The following SMC6 variants were observed in gnomAD, a reference collection of about 807,000 sequenced individuals.
The protein encoded by SMC6 is structural maintenance of chromosomes protein 6.
A neutral mutation model predicts 142.2 loss-of-function variants in SMC6; 79 were observed. The observed-to-expected ratio is 0.56, with a 90% CI of 0.46 to 0.67. The LOEUF (loss-of-function observed/expected upper bound fraction) is 0.67, where lower values mean the gene tolerates loss of function less well. Ranked by LOEUF, SMC6 falls within the 30% of genes least tolerant of loss-of-function variation. The pLI is 0.00. For synonymous variants in SMC6, 411 were observed against 412.4 expected, an observed-to-expected ratio of 1.00 and a Z score of 0.04; for missense variants, 1,072 against 1,284.0, an observed-to-expected ratio of 0.83 and a Z score of 2.52.
Position 17,752,973 on chromosome 2 carries a change from A to G in SMC6, c.-6+5T>C, listed in dbSNP as rs1671135817. 2.0e-6 allele frequency: 2 copies of G among 977,080 alleles called. No homozygotes were observed. The highest frequency in any genetic ancestry group is 2.4e-6 in the Non-Finnish European group (2 of 822,314). 60.5% of individuals were successfully genotyped at this position (977,080 alleles called of 1,614,324 possible). On this transcript the variant is annotated splice_donor_5th_base_variant and intron_variant, in intron 2 of 27. Transcript: ENST00000448223. Reference sequence around the variant, plus strand: ...TGATTGCTCTAAGAATTTTCACAGTATTACCTCAAACCCTATTGGTTCTAC... The same window carrying G: ...TGATTGCTCTAAGAATTTTCACAGTGTTACCTCAAACCCTATTGGTTCTAC...
chr2:17,747,312 C>G (rs1670802304), intron 2 of SMC6, among the ~76,000 whole-genome samples: 1 of 152,176 alleles, frequency 6.6e-6, no homozygotes, highest in Non-Finnish European at 1.5e-5. Context: ...CCACCCTAGC[C>G]TAGCAGTTGC....
chr2:17,689,059 A>C (rs1667583836), intron 23 of SMC6, among the ~76,000 whole-genome samples: 1 of 152,208 alleles, frequency 6.6e-6, no homozygotes, highest in African/African-American at 2.4e-5. Flanking sequence ...TATTAGTTGC[A>C]AGGGAAAAAA....
At chr2:17,707,897 C>T (rs1572300952) in intron 17 of SMC6, among the ~76,000 whole-genome samples, 1 of 151,116 alleles carries the variant, frequency 6.6e-6, no homozygotes, top group Non-Finnish European at 1.5e-5. Flanking sequence ...GGGGACAGAC[C>T]TTTACAACAA....
At chr2:17,670,645 G>T in intron 25 of SMC6, 70 bp from the exon 26 acceptor site, 1 of 1,361,696 alleles carries the variant, frequency 7.3e-7, no homozygotes, top group South Asian at 1.5e-5. Context: ...TTCTTTACAA[G>T]ACAGATAAAT....
chr2:17,673,592 A>T (rs764453144), intron 25 of SMC6, among the ~76,000 whole-genome samples: 1 of 150,216 alleles, frequency 6.7e-6, no homozygotes, highest in African/African-American at 2.5e-5. Flanking sequence ...TTTTTGAGAC[A>T]GAGTTTCGCT....
chr2:17,734,694 T>G (rs1435019919), intron 5 of SMC6, among the ~76,000 whole-genome samples: 1 of 152,080 alleles, frequency 6.6e-6, no homozygotes, highest in Non-Finnish European at 1.5e-5. Flanking sequence ...CAGTGAGAAC[T>G]TCAGAAGCAC....
At chr2:17,717,360 G>A (rs1400139972) in intron 12 of SMC6, among the ~76,000 whole-genome samples, 184 bp from the exon 13 acceptor site, 2 of 152,064 alleles carry the variant, frequency 1.3e-5, no homozygotes, top group East Asian at 1.9e-4. Flanking sequence ...TTTCAACTCA[G>A]GTACAAAATC....
intron 18 of SMC6, among the ~76,000 whole-genome samples, chr2:17,705,794 T>C (rs1668480392): frequency 6.6e-6 from 1 of 152,184 alleles, no homozygotes; most frequent in Admixed American, 6.5e-5. Context: ...GTGTTCCTCC[T>C]TAGTTTTTTT....
At chr2:17,705,132 C>A (rs933647288) in intron 18 of SMC6, among the ~76,000 whole-genome samples, 1 of 151,862 alleles carries the variant, frequency 6.6e-6, no homozygotes, top group Non-Finnish European at 1.5e-5. Context: ...GTGGCACGTG[C>A]CTGTAGTCCC....
chr2:17,669,184 G>A (rs1666642404), intron 26 of SMC6, among the ~76,000 whole-genome samples: 1 of 152,170 alleles, frequency 6.6e-6, no homozygotes, highest in African/African-American at 2.4e-5. Flanking sequence ...TGACTGCGCT[G>A]GAAATGACAG....
At chr2:17,735,096 C>T (rs1670086349) in intron 5 of SMC6, among the ~76,000 whole-genome samples, 1 of 151,908 alleles carries the variant, frequency 6.6e-6, no homozygotes, top group African/African-American at 2.4e-5. Flanking sequence ...TATAAAAAAG[C>T]CTCATAATTA....
At chr2:17,683,871 C>T (rs575493143) in intron 23 of SMC6, 108 bp from the exon 24 acceptor site, 20 of 942,088 alleles carry the variant, frequency 2.1e-5, no homozygotes, top group Non-Finnish European at 3.2e-5. Context: ...GCAGAGAGTA[C>T]TAAGGGGGCC....
intron 27 of SMC6, among the ~76,000 whole-genome samples, chr2:17,666,039 G>C (rs72768614): frequency 3.0e-4 from 45 of 152,318 alleles, no homozygotes; most frequent in African/African-American, 4.1e-4. Context: ...ACTGACAGCA[G>C]AGTAGAGCTC....
intron 16 of SMC6, among the ~76,000 whole-genome samples, chr2:17,709,240 A>T (rs1668697308): frequency 1.3e-5 from 2 of 152,192 alleles, no homozygotes; most frequent in South Asian, 2.1e-4. Context: ...TACAGTTATC[A>T]TACATAAGTC....
chr2:17,702,124 G>C (rs895627928), intron 19 of SMC6, among the ~76,000 whole-genome samples: 2 of 152,138 alleles, frequency 1.3e-5, no homozygotes, highest in Admixed American at 1.3e-4. Context: ...ATGCAAAAGA[G>C]ATGTAAGTAA....
At chr2:17,685,964 T>C (rs368326795) in intron 23 of SMC6, among the ~76,000 whole-genome samples, 3 of 152,102 alleles carry the variant, frequency 2.0e-5, no homozygotes, top group African/African-American at 7.2e-5. Flanking sequence ...TAAAAAAGAA[T>C]AGATAATTCA....
chr2:17,743,508 C>T (rs1397550406), intron 3 of SMC6, among the ~76,000 whole-genome samples: 2 of 152,110 alleles, frequency 1.3e-5, no homozygotes, highest in Non-Finnish European at 2.9e-5. Context: ...CCCCTACCCC[C>T]ACACATGCAT....
intron 26 of SMC6, among the ~76,000 whole-genome samples, chr2:17,668,527 AC>A (rs1281801686): frequency 2.0e-5 from 3 of 152,026 alleles, no homozygotes; most frequent in Non-Finnish European, 4.4e-5. Context: ...AGAATAAAAA[AC>A]AGTATAAAAT....
At position 17,708,642 on chromosome 2, in the gene SMC6, G is replaced by T; in HGVS notation, c.1842C>A (p.Ile614=). 1 of 1,475,438 alleles carries T rather than the reference G, an allele frequency of 6.8e-7. No homozygotes were observed. The highest frequency in any genetic ancestry group is 1.5e-5 in the South Asian group (1 of 68,652). 91.4% of individuals were successfully genotyped at this position (1,475,438 alleles called of 1,614,324 possible). A position where few individuals can be genotyped will look rare whatever the true frequency, so the allele number is the denominator to read the frequency against. ...DMRGIETVLL[I]KNNSVARAVM... is the part of the protein sequence containing the mutation. The stretch of plus-strand genomic sequence containing the variant: ...AGCAAAGATCTGGAGGTCTTACTTT[G>T]ATTAGTAGCACTGTCTCTATGCCTC... The change falls in exon 17 of 28, where the codon ATC becomes ATA. Residue 614 remains isoleucine (I), a synonymous_variant. Coordinates refer to ENST00000448223, the MANE Select transcript of SMC6 (RefSeq NM_001142286.2).
Sources: gnomAD v4.1 joint callset for allele counts (sites outside exome capture counted in the v4.1 genomes callset) on GRCh38, gnomAD v4.1.1 for gene constraint, MANE v1.5 for transcripts, NCBI Gene and HGNC (gene_info 2026-07-23, HGNC 2026-07-21) for gene names.